ARHGEF10L: variants seen among roughly 807,000 people sequenced by gnomAD.
ARHGEF10L encodes Rho guanine nucleotide exchange factor 10 like, also known as rho guanine nucleotide exchange factor 10-like protein.
A neutral mutation model predicts 141.2 loss-of-function variants in ARHGEF10L; 69 were observed. The observed-to-expected ratio is 0.49, with a 90% CI of 0.40 to 0.60. The LOEUF (loss-of-function observed/expected upper bound fraction) is 0.60, where lower values mean the gene tolerates loss of function less well. Among genes scored for constraint, ARHGEF10L ranks in the 20% least tolerant of loss-of-function variants. The pLI is 0.00. For synonymous variants in ARHGEF10L, 711 were observed against 718.5 expected (o/e 0.99, Z 0.17); for missense variants, 1,482 against 1,734.3 (o/e 0.85, Z 2.58).
upstream of ARHGEF10L, among the ~76,000 whole-genome samples, chr1:17,538,039 G>A (rs2076604614): frequency 2.0e-5 from 3 of 151,900 alleles, no homozygotes; most frequent in South Asian, 4.1e-4. Flanking sequence ...GTGCCAGCCT[G>A]AGCCACAGGG....
chr1:17,583,797 TAGCTG>T (rs1308670792), intron 2 of ARHGEF10L, among the ~76,000 whole-genome samples: 3 of 152,176 alleles, frequency 2.0e-5, no homozygotes, highest in Non-Finnish European at 2.9e-5. Context: ...GATGGGCCTG[TAGCTG>T]GTACCCCCAA....
intron 17 of ARHGEF10L, 103 bp from the exon 18 acceptor site, chr1:17,634,732 C>T (rs948995642): frequency 5.5e-6 from 8 of 1,459,018 alleles, no homozygotes; most frequent in Non-Finnish European, 5.5e-6. Context: ...GCTGGGGCTG[C>T]GTGAAGCCTG....
At chr1:17,653,148 C>T (rs887397108) in intron 22 of ARHGEF10L, among the ~76,000 whole-genome samples, 3 of 152,294 alleles carry the variant, frequency 2.0e-5, no homozygotes, top group South Asian at 2.1e-4. Flanking sequence ...CCACGGCCAT[C>T]CTGAGAGATT....
chr1:17,551,887 C>T (rs896634637), intron 1 of ARHGEF10L, among the ~76,000 whole-genome samples: 5 of 152,116 alleles, frequency 3.3e-5, no homozygotes, highest in Non-Finnish European at 7.4e-5. Flanking sequence ...CCCCAGGGAG[C>T]GGCTCACTGG....
intron 12 of ARHGEF10L, among the ~76,000 whole-genome samples, 180 bp from the exon 13 acceptor site, chr1:17,624,207 G>A (rs1027884563): frequency 6.6e-6 from 1 of 152,208 alleles, no homozygotes; most frequent in East Asian, 1.9e-4. Context: ...TGAGCTCCAT[G>A]TCCACACCCC....
At chr1:17,661,031 C>A (rs184158729) in intron 25 of ARHGEF10L, among the ~76,000 whole-genome samples, 108 of 152,284 alleles carry the variant, frequency 7.1e-4, no homozygotes, top group Admixed American at 2.7e-3. Flanking sequence ...AAGGGGAAGT[C>A]TCTTGTTCAG....
intron 1 of ARHGEF10L, among the ~76,000 whole-genome samples, chr1:17,563,898 A>G (rs1223903364): frequency 6.6e-6 from 1 of 152,068 alleles, no homozygotes; most frequent in Non-Finnish European, 1.5e-5. Flanking sequence ...AGAGCGTCTG[A>G]TTGTGGGAAG....
At chr1:17,632,498 C>G in intron 16 of ARHGEF10L, 32 bp downstream of exon 16, 1 of 1,613,144 alleles carries the variant, frequency 6.2e-7, no homozygotes, top group East Asian at 2.2e-5. Context: ...GGGGCAATCA[C>G]CCCTCCCTGG....
rs1174493292 is a variant in ARHGEF10L, at chr1:17,644,087, T to C, written c.2272+3785T>C. Among the ~76,000 whole-genome samples the C allele has an allele frequency of 2.0e-5, 3 of 152,174 alleles. No individual in the cohort carries two copies. The highest frequency in any genetic ancestry group is 7.2e-5 in the African/African-American group (3 of 41,446). ...TGGAGCTCCTCCCACCCATGGCCCT[T>C]CTCATTCCCACCTCTCAAGGGGACA... On this transcript the variant is annotated intron_variant, in intron 21 of 28. Transcript: ENST00000361221. This position sits in a 1 kb window ranked among gnomAD's most constrained non-coding sequence, Gnocchi z 4.5.
chr1:17,642,051 A>G lies in ARHGEF10L; in HGVS notation c.2272+1749A>G, dbSNP rs958479048. On this transcript the variant is annotated intron_variant, in intron 21 of 28. Transcript: ENST00000361221. ...TGTCACTGGTTTTCATTAATGGAAA[A>G]AACTGTTGAGACTCTACATAGTTTT... Among the ~76,000 whole-genome samples, 9 of 152,342 alleles carry G rather than the reference A, an allele frequency of 5.9e-5. No individual in the cohort carries two copies. In the South Asian group the frequency reaches 1.9e-3, roughly 32 times the overall value.
At chr1:17,563,231 C>T (rs948983644) in intron 1 of ARHGEF10L, among the ~76,000 whole-genome samples, 9 of 145,856 alleles carry the variant, frequency 6.2e-5, no homozygotes, top group African/African-American at 2.3e-4. Flanking sequence ...GTCAGAGAGC[C>T]CTTTTCTTTT....
intron 27 of ARHGEF10L, among the ~76,000 whole-genome samples, chr1:17,690,502 CCCT>C (rs2065023914): frequency 6.6e-6 from 1 of 152,250 alleles, no homozygotes; most frequent in Admixed American, 6.5e-5. Context: ...GGCTCCTTGC[CCCT>C]CCTAAGACCC....
chr1:17,619,303 G>T lies in ARHGEF10L; in HGVS notation c.836-36G>T. On this transcript the variant is annotated intron_variant, in intron 9 of 28. Coordinates refer to ENST00000361221, the MANE Select transcript of ARHGEF10L (RefSeq NM_018125.4). This position sits in a 1 kb window ranked among gnomAD's most constrained non-coding sequence, Gnocchi z 5.0. ...GGCCTGAGCAGGGTGTGCTGTCCCT[G>T]CCTTAGCTGTGTCATCGGCCCATCT... 6.3e-7 allele frequency: 1 copy of T among 1,594,408 alleles called. No individual in the cohort carries two copies. The highest frequency in any genetic ancestry group is 8.6e-7 in the Non-Finnish European group (1 of 1,164,984).
At chr1:17,590,959 C>T (rs1036928833) in intron 4 of ARHGEF10L, among the ~76,000 whole-genome samples, 7 of 152,210 alleles carry the variant, frequency 4.6e-5, no homozygotes, top group African/African-American at 1.7e-4. Flanking sequence ...TTCACTCCAG[C>T]CTGTGTGACA....
upstream of ARHGEF10L, among the ~76,000 whole-genome samples, chr1:17,537,455 C>T: frequency 6.6e-6 from 1 of 152,182 alleles, no homozygotes; most frequent in East Asian, 1.9e-4. Flanking sequence ...TGGCCCCTGC[C>T]CTCAAGGCTG....
At chr1:17,593,903 G>T (rs553760663) in intron 4 of ARHGEF10L, among the ~76,000 whole-genome samples, 1 of 151,416 alleles carries the variant, frequency 6.6e-6, no homozygotes, top group African/African-American at 2.4e-5. Context: ...GGCAGGCATG[G>T]TGCTTGGGCT....
At chr1:17,584,699 C>G (rs574179536) in intron 2 of ARHGEF10L, among the ~76,000 whole-genome samples, 3 of 152,166 alleles carry the variant, frequency 2.0e-5, no homozygotes, top group Admixed American at 6.5e-5. Context: ...AGAAGATACT[C>G]GAAGGAAGAA....
At chr1:17,590,635 C>T (rs534451320) in intron 4 of ARHGEF10L, among the ~76,000 whole-genome samples, 6 of 152,132 alleles carry the variant, frequency 3.9e-5, no homozygotes, top group South Asian at 2.1e-4. Flanking sequence ...CCTTGGTGAA[C>T]GAATGATGGA....
In ARHGEF10L at chr1:17,607,034, C is replaced by T. The variant is rs2081244757; in HGVS notation, c.434-768C>T. Among the ~76,000 whole-genome samples, 2 of 152,238 alleles carry T rather than the reference C, an allele frequency of 1.3e-5. No individual in the cohort carries two copies. Among genetic ancestry groups the T allele is most frequent in the African/African-American group, 4.8e-5 (2 of 41,460 alleles). On this transcript the variant is annotated intron_variant, in intron 6 of 28. Transcript: ENST00000361221. The surrounding 1 kb of genome is among the most constrained non-coding windows in gnomAD (Gnocchi z 4.5). ...GACTCTGGGCCAGCTGCGCCCCCTA[C>T]TGGAAGATCCCAGGCTGCACGTGAA...
Sources: allele counts gnomAD v4.1 joint callset (sites outside exome capture counted in the v4.1 genomes callset), GRCh38; gene constraint gnomAD v4.1.1; non-coding constraint Gnocchi (gnomAD v3.1); transcripts MANE v1.5; gene names NCBI Gene and HGNC (gene_info 2026-07-23, HGNC 2026-07-21).